MEGF10: variants seen among roughly 807,000 people sequenced by gnomAD.
The protein encoded by MEGF10 is multiple EGF like domains 10, also known as multiple epidermal growth factor-like domains protein 10.
Under a neutral mutation model 147.5 loss-of-function variants are expected in MEGF10, and 86 were observed. That is an observed-to-expected ratio of 0.58 (90% confidence interval 0.49 to 0.70). The LOEUF is 0.70. Ranked by LOEUF, MEGF10 falls within the 30% of genes least tolerant of loss-of-function variation. The probability of loss-of-function intolerance (pLI) is 0.00; values close to 1 mark genes in which losing one functional copy is unlikely to be tolerated. For missense variants in MEGF10, 1,329 were observed against 1,487.3 expected (o/e 0.89, Z 1.75); for synonymous variants, 478 against 525.5 (o/e 0.91, Z 1.24).
At chr5:127,267,423 G>A in the MEGF10 span, among the ~76,000 whole-genome samples, 1 of 152,180 alleles carries the variant, frequency 6.6e-6, no homozygotes, top group African/African-American at 2.4e-5. Context: ...GTATCAGGAT[G>A]ATGCTGGCCT....
intron 1 of MEGF10, among the ~76,000 whole-genome samples, chr5:127,306,650 T>C (rs1760026188): frequency 6.6e-6 from 1 of 152,196 alleles, no homozygotes; most frequent in Non-Finnish European, 1.5e-5. Flanking sequence ...TGGCCCATCA[T>C]TGTTGGCAGC....
At chr5:127,232,204 A>C in the MEGF10 span, among the ~76,000 whole-genome samples, 2 of 152,262 alleles carry the variant, frequency 1.3e-5, no homozygotes, top group Non-Finnish European at 2.9e-5. Context: ...GGAAATAATC[A>C]AAGCATATGT....
chr5:127,313,225 C>T (rs1760375728), intron 1 of MEGF10, among the ~76,000 whole-genome samples: 1 of 151,676 alleles, frequency 6.6e-6, no homozygotes. Flanking sequence ...ATTTGGAAGC[C>T]ACATCTATAT....
intron 1 of MEGF10, among the ~76,000 whole-genome samples, chr5:127,322,309 T>C (rs1484213641): frequency 1.3e-5 from 2 of 152,130 alleles, no homozygotes; most frequent in African/African-American, 4.8e-5. Context: ...CCACTCACTT[T>C]CACACTGTGC....
chr5:127,421,988 CAA>C (rs34631374), intron 12 of MEGF10, among the ~76,000 whole-genome samples: 2,195 of 61,204 alleles, frequency 0.036, 22 homozygotes, highest in South Asian at 0.16. Context: ...GACTCCGTCT[CAA>C]AAAAAAAAAA....
intron 9 of MEGF10, 73 bp downstream of exon 9, chr5:127,410,674 G>A (rs778923409): frequency 6.6e-5 from 89 of 1,349,094 alleles, no homozygotes; most frequent in Admixed American, 9.9e-5. Flanking sequence ...TTTGGAAGGA[G>A]GGATTGATAG....
chr5:127,370,032 G>C (rs201031109), intron 5 of MEGF10, 30 bp downstream of exon 5: 2 of 1,586,728 alleles, frequency 1.3e-6, no homozygotes, highest in Non-Finnish European at 1.7e-6. Flanking sequence ...TGTCTGTCTC[G>C]GGATGTTTTT....
At chr5:127,245,188 A>G in the MEGF10 span, among the ~76,000 whole-genome samples, 1 of 152,282 alleles carries the variant, frequency 6.6e-6, no homozygotes, top group African/African-American at 2.4e-5. Context: ...GAGGCATCAC[A>G]CTACCTGTCT....
intron 4 of MEGF10, among the ~76,000 whole-genome samples, chr5:127,356,436 A>G (rs568641475): frequency 6.6e-6 from 1 of 152,324 alleles, no homozygotes; most frequent in African/African-American, 2.4e-5. Context: ...GCTCCAAGAG[A>G]GTTAAGACAG....
the MEGF10 span, among the ~76,000 whole-genome samples, chr5:127,278,395 G>A: frequency 0.047 from 7,115 of 152,090 alleles, 274 homozygotes; most frequent in African/African-American, 0.1. Flanking sequence ...AGATTTAAGA[G>A]AGAATAGAAG....
At chr5:127,322,809 G>A (rs1220344985) in intron 1 of MEGF10, among the ~76,000 whole-genome samples, 2 of 152,104 alleles carry the variant, frequency 1.3e-5, no homozygotes, top group African/African-American at 2.4e-5. Flanking sequence ...ATCATTGTAT[G>A]ATAATTATAC....
intron 5 of MEGF10, among the ~76,000 whole-genome samples, chr5:127,385,820 C>T (rs776130181): frequency 2.3e-4 from 35 of 152,152 alleles, no homozygotes; most frequent in Non-Finnish European, 4.4e-4. Flanking sequence ...ATAACAACAA[C>T]GTGGCTGTGT....
the MEGF10 span, among the ~76,000 whole-genome samples, chr5:127,244,630 A>T: frequency 6.6e-6 from 1 of 151,954 alleles, no homozygotes; most frequent in Non-Finnish European, 1.5e-5. Context: ...GTCACCCCCC[A>T]CCCCACAAGT....
At chr5:127,354,377 T>G (rs1762199460) in intron 4 of MEGF10, among the ~76,000 whole-genome samples, 1 of 152,210 alleles carries the variant, frequency 6.6e-6, no homozygotes, top group South Asian at 2.1e-4. Flanking sequence ...TTATTTCTTC[T>G]TTTTAAAATT....
intron 13 of MEGF10, 103 bp downstream of exon 13, chr5:127,422,875 A>G: frequency 1.2e-6 from 1 of 830,270 alleles, no homozygotes; most frequent in Non-Finnish European, 1.9e-6. Flanking sequence ...AACTTTTCAA[A>G]AAAAATGAAA....
the MEGF10 span, among the ~76,000 whole-genome samples, chr5:127,277,083 A>G: frequency 6.6e-6 from 1 of 152,214 alleles, no homozygotes; most frequent in South Asian, 2.1e-4. Context: ...AGAGCAAAGT[A>G]TCTGAAGTAT....
intron 16 of MEGF10, among the ~76,000 whole-genome samples, chr5:127,438,057 C>A (rs1182681961): frequency 6.6e-6 from 1 of 152,090 alleles, no homozygotes; most frequent in African/African-American, 2.4e-5. Context: ...CCTCCCCTAC[C>A]AAAATAGAAG....
chr5:127,309,170 C>T (rs1365293099), intron 1 of MEGF10, among the ~76,000 whole-genome samples: 2 of 152,228 alleles, frequency 1.3e-5, no homozygotes, highest in Non-Finnish European at 2.9e-5. Context: ...CTGTCTTAAT[C>T]ATGCAGATGA....
chr5:127,303,058 TC>T (rs1269946707), intron 1 of MEGF10, among the ~76,000 whole-genome samples: 1 of 151,548 alleles, frequency 6.6e-6, no homozygotes, highest in African/African-American at 2.4e-5. Flanking sequence ...AAGGTTGGGG[TC>T]AGTGCAGTGG....
Sources: allele counts gnomAD v4.1 joint callset (sites outside exome capture counted in the v4.1 genomes callset), GRCh38; gene constraint gnomAD v4.1.1; transcripts MANE v1.5; gene names NCBI Gene and HGNC (gene_info 2026-07-23, HGNC 2026-07-21).